Variants in ERBB4 observed in about 807,000 individuals in gnomAD.
The protein encoded by ERBB4 is erb-b2 receptor tyrosine kinase 4.
ERBB4 carries 42 observed loss-of-function variants against 158.0 expected under a neutral mutation model. The ratio of observed to expected loss-of-function variants is 0.27; its 90% CI spans 0.21 to 0.34. The LOEUF is 0.34. ERBB4 is among the 10% of genes least tolerant of loss of function. ERBB4 has a pLI of 1.00. For synonymous variants in ERBB4, 583 were observed against 558.7 expected, an observed-to-expected ratio of 1.04 and a Z score of -0.61; for missense variants, 1,333 against 1,624.1, an observed-to-expected ratio of 0.82 and a Z score of 3.08.
intron 5 of ERBB4, among the ~76,000 whole-genome samples, chr2:211,735,248 C>T (rs2074567575): frequency 6.6e-6 from 1 of 151,890 alleles, no homozygotes; most frequent in South Asian, 2.1e-4. Context: ...CTAAAATAAC[C>T]TGTGCATTTG....
rs2067501657 is a variant in ERBB4 at position 211,564,823 on chromosome 2, G to A, written c.2302-2735C>T. Among the ~76,000 whole-genome samples, 3 of 152,276 alleles carry A rather than the reference G, an allele frequency of 2.0e-5. No homozygotes were observed. In the South Asian group the frequency reaches 6.2e-4, roughly 32 times the overall value. ...ATAGCAGCCAGCCCAAACTGGAACA[G>A]GACAAATAGCTCTGGGAAAGGTGAC... On this transcript the variant is annotated intron_variant, in intron 19 of 27. Transcript: ENST00000342788.
chr2:211,621,870 G>A (rs760579729), intron 18 of ERBB4, among the ~76,000 whole-genome samples: 6 of 152,132 alleles, frequency 3.9e-5, no homozygotes, highest in Non-Finnish European at 1.5e-5. Context: ...GTAACAGGCA[G>A]GAAGCCCTAA....
intron 1 of ERBB4, among the ~76,000 whole-genome samples, chr2:212,496,681 T>A (rs548609849): frequency 3.3e-4 from 51 of 152,332 alleles, no homozygotes; most frequent in African/African-American, 1.2e-3. Context: ...AGCTTTATTT[T>A]CCCAAGTTTT....
intron 1 of ERBB4, among the ~76,000 whole-genome samples, chr2:212,363,843 T>A (rs568963816): frequency 1.3e-5 from 2 of 151,802 alleles, no homozygotes; most frequent in Admixed American, 6.6e-5. Context: ...TTTTAAGAAC[T>A]ACCAATTTAT....
At chr2:212,393,598 T>A (rs977389281) in intron 1 of ERBB4, among the ~76,000 whole-genome samples, 1 of 152,088 alleles carries the variant, frequency 6.6e-6, no homozygotes, top group African/African-American at 2.4e-5. Context: ...GATGTTCTTG[T>A]CTCTATGATA....
intron 2 of ERBB4, among the ~76,000 whole-genome samples, chr2:211,993,242 G>T (rs1461183638): frequency 1.3e-5 from 2 of 152,296 alleles, no homozygotes; most frequent in South Asian, 4.1e-4. Flanking sequence ...AACCCAAGGG[G>T]ATTGATGTCT....
At chr2:212,015,105 T>G (rs1422072603) in intron 2 of ERBB4, among the ~76,000 whole-genome samples, 2 of 82,636 alleles carry the variant, frequency 2.4e-5, no homozygotes, top group Admixed American at 1.5e-4. Flanking sequence ...TATATATATA[T>G]ATATATAAAA....
intron 2 of ERBB4, among the ~76,000 whole-genome samples, chr2:212,089,907 T>C (rs1485584744): frequency 6.6e-6 from 1 of 152,200 alleles, no homozygotes; most frequent in Non-Finnish European, 1.5e-5. Flanking sequence ...CTGAAATCTC[T>C]TTCTTTGATA....
intron 25 of ERBB4, among the ~76,000 whole-genome samples, chr2:211,394,449 C>G (rs1836720): frequency 0.35 from 53,103 of 151,866 alleles, 9,428 homozygotes; most frequent in Middle Eastern, 0.37. Flanking sequence ...CATAATTGAA[C>G]CTTTTCCTCA....
At chr2:211,519,817 G>A (rs2066140292) in intron 20 of ERBB4, among the ~76,000 whole-genome samples, 1 of 152,108 alleles carries the variant, frequency 6.6e-6, no homozygotes, top group Admixed American at 6.6e-5. Context: ...TCTAGATCCT[G>A]GTTTAGCTAA....
chr2:211,894,505 T>C (rs1320949483), intron 3 of ERBB4, among the ~76,000 whole-genome samples: 4 of 151,296 alleles, frequency 2.6e-5, no homozygotes, highest in African/African-American at 9.7e-5. Flanking sequence ...GGCACATGTA[T>C]ACATATGTAA....
At chr2:211,735,823 T>C (rs1459362229) in intron 5 of ERBB4, among the ~76,000 whole-genome samples, 1 of 151,896 alleles carries the variant, frequency 6.6e-6, no homozygotes, top group Admixed American at 6.6e-5. Context: ...GTTTTGCTTT[T>C]CTCCTCATAG....
At chr2:211,841,138 C>A (rs982868560) in intron 3 of ERBB4, among the ~76,000 whole-genome samples, 1 of 151,682 alleles carries the variant, frequency 6.6e-6, no homozygotes, top group African/African-American at 2.4e-5. Context: ...TAGATAATTC[C>A]CTCCACAAAA....
At chr2:211,523,342 G>C (rs543347255) in intron 20 of ERBB4, among the ~76,000 whole-genome samples, 1 of 150,440 alleles carries the variant, frequency 6.6e-6, no homozygotes, top group Non-Finnish European at 1.5e-5. Context: ...GGGAAAGGGA[G>C]AGTGCAGTGC....
At chr2:211,718,127 G>T (rs531178959) in intron 7 of ERBB4, among the ~76,000 whole-genome samples, 2 of 152,202 alleles carry the variant, frequency 1.3e-5, no homozygotes, top group East Asian at 3.9e-4. Flanking sequence ...GGCCAGGCTG[G>T]TCTCAAACTC....
At chr2:212,096,930 T>C (rs1371011031) in intron 2 of ERBB4, among the ~76,000 whole-genome samples, 1 of 152,148 alleles carries the variant, frequency 6.6e-6, no homozygotes, top group Non-Finnish European at 1.5e-5. Context: ...ATTATTATTA[T>C]GTGCAATATC....
At chr2:211,978,392 G>GTCTTTCTATCTA (rs1165469722) in intron 2 of ERBB4, among the ~76,000 whole-genome samples, 1,877 of 102,272 alleles carry the variant, frequency 0.018, 9 homozygotes, top group Middle Eastern at 0.049. Context: ...CTGTCTGTCT[G>GTCTTTCTATCTA]TCTGTCTATC....
At chr2:211,765,488 C>A (rs1395784523) in intron 4 of ERBB4, among the ~76,000 whole-genome samples, 1 of 151,674 alleles carries the variant, frequency 6.6e-6, no homozygotes, top group Non-Finnish European at 1.5e-5. Flanking sequence ...GTTTCTTATC[C>A]CTCAGGAAAA....
At position 211,601,627 on chromosome 2, in the gene ERBB4, C is replaced by G. The variant is rs542830605; in HGVS notation, c.2301+17550G>C. ...GCATTGGACTGCAATAACAGCAATACTGGAAGCTAGAATAAATTGGAAAAT... is the reference window on the plus strand; with the variant it reads ...GCATTGGACTGCAATAACAGCAATAGTGGAAGCTAGAATAAATTGGAAAAT... On this transcript the variant is annotated intron_variant, in intron 19 of 27. Coordinates refer to ENST00000342788, the MANE Select transcript of ERBB4 (RefSeq NM_005235.3). 1.5e-4 allele frequency among the ~76,000 whole-genome samples: 23 copies of G among 152,156 alleles called. No individual in the cohort carries two copies. The East Asian group carries it at 4.3e-3, about 28-fold the overall frequency.
Sources: gnomAD v4.1 joint callset for allele counts (sites outside exome capture counted in the v4.1 genomes callset) on GRCh38, gnomAD v4.1.1 for gene constraint, MANE v1.5 for transcripts, NCBI Gene and HGNC (gene_info 2026-07-23, HGNC 2026-07-21) for gene names.